Variants in EPHB3 observed in about 807,000 individuals in gnomAD.
The protein encoded by EPHB3 is EPH receptor B3.
In EPHB3, 33 loss-of-function variants were observed where a neutral mutation model predicts 100.2. That is an observed-to-expected ratio of 0.33 (90% CI 0.25 to 0.44). EPHB3 has a LOEUF of 0.44. EPHB3 is among the 20% of genes least tolerant of loss of function. The probability of loss-of-function intolerance (pLI) is 1.00; values close to 1 mark genes in which losing one functional copy is unlikely to be tolerated. For missense variants in EPHB3, 1,045 were observed against 1,378.3 expected, an observed-to-expected ratio of 0.76 and a Z score of 3.83; for synonymous variants, 526 against 554.7, an observed-to-expected ratio of 0.95 and a Z score of 0.73.
rs1240021403 is a variant in EPHB3 at position 184,569,131 on chromosome 3, G to A, written c.119-2187G>A. Among the ~76,000 whole-genome samples the A allele has an allele frequency of 6.6e-6, 1 of 152,184 alleles. No individual in the cohort carries two copies. The highest frequency in any genetic ancestry group is 2.4e-5 in the African/African-American group (1 of 41,442). Reference sequence around the variant, plus strand: ...ACAGGCTGAGCAGAAGGAAGTGAGGGAGAGGGAGGAGGGAGGCGGCGCGAG... The same window carrying A: ...ACAGGCTGAGCAGAAGGAAGTGAGGAAGAGGGAGGAGGGAGGCGGCGCGAG... On this transcript the variant is annotated intron_variant, in intron 1 of 15. Coordinates refer to ENST00000330394, the MANE Select transcript of EPHB3 (RefSeq NM_004443.4). This position sits in a 1 kb window ranked among gnomAD's most constrained non-coding sequence, Gnocchi z 5.4.
chr3:184,576,720 G>C, intron 4 of EPHB3, 122 bp from the exon 5 acceptor site: 1 of 939,722 alleles, frequency 1.1e-6, no homozygotes, highest in South Asian at 2.0e-5. Flanking sequence ...ACGTTATTCT[G>C]CTTATCAAAG....
intron 1 of EPHB3, among the ~76,000 whole-genome samples, chr3:184,564,561 A>C (rs1714337632): frequency 6.6e-6 from 1 of 151,992 alleles, no homozygotes; most frequent in Non-Finnish European, 1.5e-5. Context: ...TATTATTGTT[A>C]CCCTAGGGTC....
chr3:184,567,525 T>G (rs533300381), intron 1 of EPHB3, among the ~76,000 whole-genome samples: 2 of 151,146 alleles, frequency 1.3e-5, no homozygotes, highest in East Asian at 3.9e-4. Context: ...TGCGGGTGCA[T>G]GGAGGATGCA....
chr3:184,573,311 GA>G lies in EPHB3; in HGVS notation c.856+137del. ...AGGTCCACAGTGGAGGCAGGAGAGG[GA>G]AGAGTGGGGATCAGATGCAGAGAAT... On this transcript the variant is annotated intron_variant, in intron 3 of 15. Coordinates refer to ENST00000330394, the MANE Select transcript of EPHB3 (RefSeq NM_004443.4). This position sits in a 1 kb window ranked among gnomAD's most constrained non-coding sequence, Gnocchi z 4.5. 9.4e-7 allele frequency: 1 copy of G among 1,065,982 alleles called. No homozygotes were observed. The highest frequency in any genetic ancestry group is 1.3e-6 in the Non-Finnish European group (1 of 741,930). The allele number at this position is 1,065,982 out of a possible 1,614,324, so 66.0% of individuals were successfully genotyped here.
At position 184,578,103 on chromosome 3, in the gene EPHB3, C is replaced by T; in HGVS notation, c.1748+97C>T. On this transcript the variant is annotated intron_variant, in intron 8 of 15. Coordinates refer to ENST00000330394, the MANE Select transcript of EPHB3 (RefSeq NM_004443.4). The surrounding 1 kb of genome is among the most constrained non-coding windows in gnomAD (Gnocchi z 4.7). The stretch of plus-strand genomic sequence containing the variant: ...ACAGAGATGAGCCGCCACCACTTCC[C>T]TCAGACCCAGGGCCTTAGCCCTCCT... 1.5e-6 allele frequency: 2 copies of T among 1,368,426 alleles called. No individual in the cohort carries two copies. Among genetic ancestry groups the T allele is most frequent in the Non-Finnish European group, 2.0e-6 (2 of 1,004,118 alleles). The allele number at this position is 1,368,426 out of a possible 1,614,324, so 84.8% of individuals were successfully genotyped here.
Position 184,578,536 on chromosome 3 carries a change from CT to C in EPHB3, c.1801+71del. 6.3e-7 allele frequency: 1 copy of C among 1,594,674 alleles called. No individual in the cohort carries two copies. The highest frequency in any genetic ancestry group is 1.1e-5 in the South Asian group (1 of 90,276). On this transcript the variant is annotated intron_variant, in intron 9 of 15. Coordinates refer to ENST00000330394, the MANE Select transcript of EPHB3 (RefSeq NM_004443.4). This position sits in a 1 kb window ranked among gnomAD's most constrained non-coding sequence, Gnocchi z 4.7. ...GCAGGGCTCTCAGACACCCTTCTCC[CT>C]GCCTGGGACTTCATTCCTTAGAGAT...
At chr3:184,574,516 G>A (rs910505502) in intron 3 of EPHB3, among the ~76,000 whole-genome samples, 6 of 152,188 alleles carry the variant, frequency 3.9e-5, no homozygotes, top group African/African-American at 1.4e-4. Flanking sequence ...CCTGTCTTTC[G>A]CTCCCTCTGC....
rs777423504 is a variant in EPHB3, at chr3:184,577,013, A to G, written c.1184A>G (p.Asn395Ser). The stretch of plus-strand genomic sequence containing the variant: ...TCAGCCTGCTCACGCTGTGATGACA[A>G]CGTGGAGTTTGTGCCTCGGCAGCTG... ...GASACSRCDD[N>S]VEFVPRQLGL... The change falls in exon 5 of 16, where the codon AAC becomes AGC. Residue 395 changes from asparagine (N) to serine (S), a missense_variant. Transcript: ENST00000330394. The surrounding 1 kb of genome is among the most constrained non-coding windows in gnomAD (Gnocchi z 4.9). 3 of 1,613,908 alleles carry G rather than the reference A, an allele frequency of 1.9e-6. No homozygotes were observed. The highest frequency in any genetic ancestry group is 3.3e-5 in the Admixed American group (2 of 60,008).
In EPHB3 at chr3:184,580,893, G is replaced by T. The variant is rs150642800; in HGVS notation, c.2538+15G>T. On this transcript the variant is annotated intron_variant, in intron 13 of 15. Transcript: ENST00000330394. ...GCAACCAGGATGTGAGTGAGGCTAC[G>T]CCAGAGTGGTTGGGTAGGTGGGTGC... The T allele has an allele frequency of 2.5e-6, 4 of 1,610,580 alleles. No homozygotes were observed. Among genetic ancestry groups the T allele is most frequent in the Admixed American group, 1.7e-5 (1 of 59,962 alleles).
chr3:184,578,238 A>T lies in EPHB3; in HGVS notation c.1749-176A>T. On this transcript the variant is annotated intron_variant, in intron 8 of 15. Transcript: ENST00000330394. The surrounding 1 kb of genome is among the most constrained non-coding windows in gnomAD (Gnocchi z 4.7). ...CTCCGGGCAGGTTCCCTAGGGACTG[A>T]GTCCACTGAACCCCTTGCTCAGACA... 1.0e-6 allele frequency: 1 copy of T among 966,420 alleles called. No homozygotes were observed. 59.9% of individuals were successfully genotyped at this position (966,420 alleles called of 1,614,324 possible).
At chr3:184,576,121 G>A (rs1156262237) in intron 4 of EPHB3, 136 bp downstream of exon 4, 5 of 1,234,880 alleles carry the variant, frequency 4.0e-6, no homozygotes, top group African/African-American at 1.6e-5. Context: ...TAGATGTTGC[G>A]CTCAACATGG....
At position 184,577,960 on chromosome 3, in the gene EPHB3, C is replaced by T. The variant is rs1212711281; in HGVS notation, c.1702C>T (p.Leu568Phe). 6.2e-7 allele frequency: 1 copy of T among 1,614,068 alleles called. No homozygotes were observed. Among genetic ancestry groups the T allele is most frequent in the Non-Finnish European group, 8.5e-7 (1 of 1,179,982 alleles). Reference protein sequence around the residue: ...PLIVGSATAGLVFVVAVVVIA... With the variant: ...PLIVGSATAGFVFVVAVVVIA... Reference sequence around the variant, plus strand: ...CATCGTGGGCTCCGCTACAGCTGGGCTTGTCTTCGTGGTGGCTGTCGTGGT... The same window carrying T: ...CATCGTGGGCTCCGCTACAGCTGGGTTTGTCTTCGTGGTGGCTGTCGTGGT... Residue 568 changes from leucine (L) to phenylalanine (F), a missense_variant, in exon 8 of 16, where the codon CTT (leucine) becomes TTT (phenylalanine). By Grantham distance (22) the Leu-to-Phe change is conservative (BLOSUM62 0). This residue lies in a region of EPHB3 where 985 missense variants were observed against 1,331.1 expected (regional missense o/e 0.74). Coordinates refer to ENST00000330394, the MANE Select transcript of EPHB3 (RefSeq NM_004443.4). The surrounding 1 kb of genome is among the most constrained non-coding windows in gnomAD (Gnocchi z 4.9).
chr3:184,568,599 C>CA (rs1404738884), intron 1 of EPHB3, among the ~76,000 whole-genome samples: 1 of 150,826 alleles, frequency 6.6e-6, no homozygotes, highest in Non-Finnish European at 1.5e-5. Flanking sequence ...ATGACCCCCC[C>CA]CCCACATCCC....
chr3:184,569,681 C>T lies in EPHB3; in HGVS notation c.119-1637C>T, dbSNP rs1714493788. 6.6e-6 allele frequency among the ~76,000 whole-genome samples: 1 copy of T among 152,262 alleles called. No homozygotes were observed. The highest frequency in any genetic ancestry group is 1.5e-5 in the Non-Finnish European group (1 of 68,044). On this transcript the variant is annotated intron_variant, in intron 1 of 15. Transcript: ENST00000330394. The surrounding 1 kb of genome is among the most constrained non-coding windows in gnomAD (Gnocchi z 5.4). ...GCAGTGAATGGCTGCTGCCTGCAGC[C>T]CCTTTGCCTGACATGGCGGGGGGCT... is the stretch of plus-strand genomic sequence containing the variant.
rs751862417 is a variant in EPHB3 at position 184,581,370 on chromosome 3, G to A, written c.2850G>A (p.Gly950=). 2 of 1,602,794 alleles carry A rather than the reference G, an allele frequency of 1.2e-6. No homozygotes were observed. Among genetic ancestry groups the A allele is most frequent in the Admixed American group, 3.4e-5 (2 of 59,020 alleles). The change falls in exon 15 of 16, where the codon GGG becomes GGA. Residue 950 remains glycine (G), a synonymous_variant. Transcript: ENST00000330394. ...GRYKESFVSA[G]FASFDLVAQM... is the part of the protein sequence containing the mutation. ...ACAAGGAGAGCTTCGTCAGTGCGGG[G>A]TTTGCATCTTTTGACCTGGTGGCCC...
chr3:184,574,586 T>C (rs113888780), intron 3 of EPHB3, among the ~76,000 whole-genome samples: 20 of 152,210 alleles, frequency 1.3e-4, no homozygotes, highest in African/African-American at 4.3e-4. Context: ...ATGACTCTTA[T>C]GGCAGCCCTA....
chr3:184,575,061 G>A, intron 3 of EPHB3: 10 of 861,144 alleles, frequency 1.2e-5, no homozygotes, highest in Non-Finnish European at 1.4e-5. Flanking sequence ...TGCCTCCTTT[G>A]ACTTGCAAAT....
rs999904723 is a variant in EPHB3, at chr3:184,565,107, G to A, written c.118+2754G>A. ...CACACTTGGGGGTCACCAAGACTCT[G>A]CATCCAAGGCTGTCATCAGTTTTCC... On this transcript the variant is annotated intron_variant, in intron 1 of 15. Coordinates refer to ENST00000330394, the MANE Select transcript of EPHB3 (RefSeq NM_004443.4). The surrounding 1 kb of genome is among the most constrained non-coding windows in gnomAD (Gnocchi z 4.8). 1.3e-5 allele frequency among the ~76,000 whole-genome samples: 2 copies of A among 152,098 alleles called. No individual in the cohort carries two copies. Among genetic ancestry groups the A allele is most frequent in the African/African-American group, 4.8e-5 (2 of 41,400 alleles).
Position 184,571,356 on chromosome 3 carries a change from G to T in EPHB3, c.157G>T (p.Ala53Ser), listed in dbSNP as rs1456787514. The change falls in exon 2 of 16, where the codon GCG becomes TCG. Residue 53 changes from alanine (A) to serine (S), a missense_variant. Transcript: ENST00000330394. The surrounding 1 kb of genome is among the most constrained non-coding windows in gnomAD (Gnocchi z 5.0). ...MDTKWVTSEL[A>S]WTSHPESGWE... ...CACAAAATGGGTAACATCTGAGTTG[G>T]CGTGGACATCTCATCCAGAAAGTGG... 16 of 1,613,940 alleles carry T rather than the reference G, an allele frequency of 9.9e-6. No individual in the cohort carries two copies. The highest frequency in any genetic ancestry group is 1.3e-5 in the Non-Finnish European group (15 of 1,179,972).
Sources: allele counts gnomAD v4.1 joint callset (sites outside exome capture counted in the v4.1 genomes callset), GRCh38; gene constraint gnomAD v4.1.1; regional missense constraint gnomAD v4.1.1; non-coding constraint Gnocchi (gnomAD v3.1); transcripts MANE v1.5; gene names NCBI Gene and HGNC (gene_info 2026-07-23, HGNC 2026-07-21).